PAWR: variants seen among roughly 807,000 people sequenced by gnomAD.
PAWR encodes PRKC apoptosis WT1 regulator protein.
Under a neutral mutation model 32.0 loss-of-function variants are expected in PAWR, and 23 were observed. The ratio of observed to expected loss-of-function variants is 0.72; its 90% CI spans 0.52 to 1.02. The LOEUF (loss-of-function observed/expected upper bound fraction) is 1.02. PAWR is among the 50% of genes least tolerant of loss of function. PAWR has a pLI of 0.00. For synonymous variants in PAWR, 226 were observed against 187.1 expected, an observed-to-expected ratio of 1.21 and a Z score of -1.70; for missense variants, 457 against 437.7, an observed-to-expected ratio of 1.04 and a Z score of -0.39.
intron 2 of PAWR, among the ~76,000 whole-genome samples, chr12:79,626,184 A>C (rs1373819174): frequency 1.4e-5 from 2 of 143,940 alleles, no homozygotes; most frequent in African/African-American, 2.7e-5. Context: ...AAAAAAAAAA[A>C]AGAATACATA....
intron 2 of PAWR, among the ~76,000 whole-genome samples, chr12:79,656,569 G>T (rs1877104690): frequency 6.6e-6 from 1 of 152,140 alleles, no homozygotes. Flanking sequence ...GGTTTAGCAG[G>T]AGAAAATTAT....
In PAWR at chr12:79,593,859, T is replaced by C. The variant is rs191480882; in HGVS notation, c.936+470A>G. ...CTGAGATTACAGGTGCCCACCACCA[T>C]GCCCAGCTAATTTTTCATATTTTTA... On this transcript the variant is annotated intron_variant, in intron 6 of 6. Coordinates refer to ENST00000328827, the MANE Select transcript of PAWR (RefSeq NM_002583.4). Among the ~76,000 whole-genome samples, 18 of 151,628 alleles carry C rather than the reference T, an allele frequency of 1.2e-4. No homozygotes were observed. The East Asian group carries it at 3.6e-3, about 30-fold the overall frequency.
At chr12:79,617,721 T>C (rs1166625161) in intron 3 of PAWR, among the ~76,000 whole-genome samples, 2 of 152,168 alleles carry the variant, frequency 1.3e-5, no homozygotes, top group Non-Finnish European at 2.9e-5. Flanking sequence ...AATTAGCATA[T>C]ATGTCTGATA....
rs1332796622 is a variant in PAWR, at chr12:79,689,915, G to A, written c.330C>T (p.Asp110=). 7.0e-7 allele frequency: 1 copy of A among 1,438,260 alleles called. No homozygotes were observed. Among genetic ancestry groups the A allele is most frequent in the Non-Finnish European group, 9.1e-7 (1 of 1,100,540 alleles). 89.1% of individuals were successfully genotyped at this position (1,438,260 alleles called of 1,614,324 possible). ...CCGAGGCAGAGGCGGCTGGGGGCTC[G>A]TCCTCCGACCGCCGCGGGCCGGGGG... is the stretch of plus-strand genomic sequence containing the variant. ...RAAPGPRRSE[D]EPPAASASAA... Residue 110 remains aspartate (D), a synonymous_variant, in exon 2 of 7, where the codon GAC becomes GAT. Coordinates refer to ENST00000328827, the MANE Select transcript of PAWR (RefSeq NM_002583.4).
At chr12:79,633,716 C>T (rs558447245) in intron 2 of PAWR, among the ~76,000 whole-genome samples, 57 of 152,222 alleles carry the variant, frequency 3.7e-4, no homozygotes, top group African/African-American at 1.3e-3. Flanking sequence ...AAGGTACTCA[C>T]CTCATTTGCA....
intron 2 of PAWR, among the ~76,000 whole-genome samples, chr12:79,662,535 ATTCTAG>A (rs1475193917): frequency 6.6e-6 from 1 of 152,210 alleles, no homozygotes; most frequent in African/African-American, 2.4e-5. Context: ...TTCCATTCAC[ATTCTAG>A]TTCTAGACAC....
At chr12:79,667,663 A>G (rs1389888653) in intron 2 of PAWR, among the ~76,000 whole-genome samples, 1 of 152,210 alleles carries the variant, frequency 6.6e-6, no homozygotes, top group East Asian at 1.9e-4. Context: ...ATATTAATGA[A>G]TTATTATTTA....
intron 2 of PAWR, among the ~76,000 whole-genome samples, chr12:79,664,055 T>C (rs1877478140): frequency 6.6e-6 from 1 of 152,156 alleles, no homozygotes; most frequent in Non-Finnish European, 1.5e-5. Flanking sequence ...AAATAGTCCA[T>C]CTTACATTCC....
intron 2 of PAWR, among the ~76,000 whole-genome samples, chr12:79,680,215 T>C (rs1019591518): frequency 6.6e-6 from 1 of 152,218 alleles, no homozygotes; most frequent in African/African-American, 2.4e-5. Flanking sequence ...CAGGCACAGA[T>C]AACTGCAACC....
intron 3 of PAWR, among the ~76,000 whole-genome samples, chr12:79,616,632 GTCAGTA>G (rs1406630464): frequency 2.0e-5 from 3 of 152,142 alleles, no homozygotes; most frequent in Non-Finnish European, 2.9e-5. Flanking sequence ...TGACTTAAAA[GTCAGTA>G]TCAGACAAGT....
At chr12:79,680,854 C>T (rs192667137) in intron 2 of PAWR, among the ~76,000 whole-genome samples, 43 of 152,038 alleles carry the variant, frequency 2.8e-4, no homozygotes, top group Non-Finnish European at 5.1e-4. Flanking sequence ...GAGTGGCTCA[C>T]ACCTGTAATC....
intron 2 of PAWR, among the ~76,000 whole-genome samples, chr12:79,661,747 A>T (rs1278397654): frequency 6.6e-6 from 1 of 152,198 alleles, no homozygotes; most frequent in East Asian, 1.9e-4. Context: ...CACTTATTTC[A>T]ATAGGCATCT....
intron 2 of PAWR, among the ~76,000 whole-genome samples, chr12:79,625,448 C>T (rs1458914624): frequency 1.3e-5 from 2 of 152,050 alleles, no homozygotes; most frequent in Non-Finnish European, 2.9e-5. Context: ...AAATCATATA[C>T]ACATTATAAT....
At chr12:79,688,054 C>A (rs1878768822) in intron 2 of PAWR, among the ~76,000 whole-genome samples, 1 of 151,970 alleles carries the variant, frequency 6.6e-6, no homozygotes, top group African/African-American at 2.4e-5. Flanking sequence ...TTAGGAGTTG[C>A]CAACACCCAA....
chr12:79,641,508 C>G (rs1001856964), intron 2 of PAWR, among the ~76,000 whole-genome samples: 3 of 152,132 alleles, frequency 2.0e-5, no homozygotes, highest in African/African-American at 2.4e-5. Flanking sequence ...ATAAAACAAG[C>G]TCTCCAATAC....
intron 4 of PAWR, among the ~76,000 whole-genome samples, chr12:79,602,060 C>G (rs997679260): frequency 6.6e-6 from 1 of 152,142 alleles, no homozygotes; most frequent in Non-Finnish European, 1.5e-5. Context: ...AACTAGATAA[C>G]TCATAAATCC....
intron 2 of PAWR, among the ~76,000 whole-genome samples, chr12:79,636,824 A>G (rs1875982774): frequency 6.6e-6 from 1 of 152,048 alleles, no homozygotes; most frequent in Non-Finnish European, 1.5e-5. Flanking sequence ...ATTTTATCTC[A>G]TTTTCTTCTA....
At chr12:79,608,540 A>G (rs1874298444) in intron 4 of PAWR, among the ~76,000 whole-genome samples, 1 of 152,202 alleles carries the variant, frequency 6.6e-6, no homozygotes, top group African/African-American at 2.4e-5. Context: ...CAGGCCACAG[A>G]CAGGTAGCAG....
intron 2 of PAWR, among the ~76,000 whole-genome samples, chr12:79,653,721 C>T (rs906021627): frequency 3.3e-5 from 5 of 152,250 alleles, no homozygotes; most frequent in Non-Finnish European, 5.9e-5. Flanking sequence ...TCAGGTGATC[C>T]GCCCGCCTCG....
Sources: allele counts gnomAD v4.1 joint callset (sites outside exome capture counted in the v4.1 genomes callset), GRCh38; gene constraint gnomAD v4.1.1; transcripts MANE v1.5; gene names NCBI Gene and HGNC (gene_info 2026-07-23, HGNC 2026-07-21).